Variants in SCFD1 observed in about 807,000 individuals in gnomAD.
SCFD1 encodes the protein sec1 family domain containing 1, also known as sec1 family domain-containing protein 1.
A neutral mutation model predicts 103.2 loss-of-function variants in SCFD1; 37 were observed. The observed-to-expected ratio is 0.36, with a 90% confidence interval of 0.28 to 0.47. The LOEUF (loss-of-function observed/expected upper bound fraction) is 0.47. Ranked by LOEUF, SCFD1 falls within the 20% of genes least tolerant of loss-of-function variation. SCFD1 has a pLI of 1.00. For synonymous variants in SCFD1, 264 were observed against 245.0 expected, an observed-to-expected ratio of 1.08 and a Z score of -0.73; for missense variants, 639 against 761.2, an observed-to-expected ratio of 0.84 and a Z score of 1.89.
intron 10 of SCFD1, among the ~76,000 whole-genome samples, chr14:30,658,971 C>G (rs1887175487): frequency 6.6e-6 from 1 of 152,110 alleles, no homozygotes; most frequent in Non-Finnish European, 1.5e-5. Flanking sequence ...TTTTACTGTA[C>G]TTGATAGGAA....
At chr14:30,696,215 T>G (rs914669739) in intron 15 of SCFD1, among the ~76,000 whole-genome samples, 1 of 152,232 alleles carries the variant, frequency 6.6e-6, no homozygotes, top group African/African-American at 2.4e-5. Flanking sequence ...AAGATTCTAT[T>G]TATACAAACA....
intron 23 of SCFD1, among the ~76,000 whole-genome samples, chr14:30,727,821 G>A (rs545801376): frequency 1.3e-5 from 2 of 152,014 alleles, no homozygotes; most frequent in South Asian, 4.1e-4. Context: ...TTTCCCCTTT[G>A]TCCATTCCCA....
intron 14 of SCFD1, among the ~76,000 whole-genome samples, chr14:30,677,623 T>TTTC (rs57155575): frequency 0.33 from 49,670 of 151,542 alleles, 9,258 homozygotes; most frequent in East Asian, 0.62. Flanking sequence ...AGTTACAGAA[T>TTTC]TTCTTATAAC....
intron 1 of SCFD1, among the ~76,000 whole-genome samples, chr14:30,626,935 T>C (rs1460366435): frequency 6.6e-6 from 1 of 152,212 alleles, no homozygotes; most frequent in Non-Finnish European, 1.5e-5. Flanking sequence ...TGAATGAATA[T>C]GCTGTAAGTT....
At chr14:30,664,608 G>C (rs915738645) in intron 10 of SCFD1, among the ~76,000 whole-genome samples, 2 of 152,074 alleles carry the variant, frequency 1.3e-5, no homozygotes, top group African/African-American at 4.8e-5. Flanking sequence ...AGCTGAAGGA[G>C]GATGTTTGAA....
rs527382637 is a variant in SCFD1, at chr14:30,637,174, TG to T, written c.313-950del. Among the ~76,000 whole-genome samples the T allele has an allele frequency of 6.6e-5, 10 of 152,202 alleles. No homozygotes were observed. The South Asian group carries it at 1.9e-3, about 28-fold the overall frequency. The stretch of plus-strand genomic sequence containing the variant: ...GTATTTATACATACACTTTTATATC[TG>T]TATTTATTTCTACAATTCTCCCTCT... On this transcript the variant is annotated intron_variant, in intron 4 of 24. Coordinates refer to ENST00000458591, the MANE Select transcript of SCFD1 (RefSeq NM_016106.4).
At chr14:30,709,513 T>G (rs1297916248) in intron 19 of SCFD1, among the ~76,000 whole-genome samples, 1 of 152,182 alleles carries the variant, frequency 6.6e-6, no homozygotes, top group Non-Finnish European at 1.5e-5. Flanking sequence ...ATTACAGGTA[T>G]GAGCCACTGT....
intron 10 of SCFD1, among the ~76,000 whole-genome samples, chr14:30,662,857 T>C (rs1263996996): frequency 6.6e-6 from 1 of 152,194 alleles, no homozygotes; most frequent in Non-Finnish European, 1.5e-5. Flanking sequence ...TTTTAGCATT[T>C]CCTGATGGGA....
Position 30,673,792 on chromosome 14 carries a change from A to G in SCFD1, c.1087-132A>G, listed in dbSNP as rs530509636. 58 of 662,634 alleles carry G rather than the reference A, an allele frequency of 8.8e-5. 1 individual carries two copies. The highest frequency in any genetic ancestry group is 8.3e-4 in the African/African-American group (46 of 55,220). The allele number at this position is 662,634 out of a possible 1,614,324, so 41.0% of individuals were successfully genotyped here. ...TGCACCTCAGAGGAGGAGAATTACTATTCTAGGTGACTTAAAAATCTTACG... is the reference window on the plus strand; with the variant it reads ...TGCACCTCAGAGGAGGAGAATTACTGTTCTAGGTGACTTAAAAATCTTACG... On this transcript the variant is annotated intron_variant, in intron 12 of 24. Transcript: ENST00000458591.
chr14:30,657,365 T>G (rs1183515209), intron 10 of SCFD1, among the ~76,000 whole-genome samples: 2 of 152,122 alleles, frequency 1.3e-5, no homozygotes, highest in African/African-American at 4.8e-5. Context: ...ACAAGGATAA[T>G]ACTGGTCCTT....
rs575334387 is a variant in SCFD1 at position 30,695,744 on chromosome 14, C to T, written c.1339+875C>T. ...AAAGTTAGCCAGGCAGGGTGGCATG[C>T]ATCTGTAGTCCCAGCTACTTGGGAG... On this transcript the variant is annotated intron_variant, in intron 15 of 24. Transcript: ENST00000458591. Among the ~76,000 whole-genome samples the T allele has an allele frequency of 1.6e-4, 24 of 152,104 alleles. No homozygotes were observed. The South Asian group carries it at 2.5e-3, about 16-fold the overall frequency.
chr14:30,650,754 CT>C, intron 9 of SCFD1, 104 bp downstream of exon 9: 1 of 675,076 alleles, frequency 1.5e-6, no homozygotes. Context: ...AAATTTGTTT[CT>C]TTTTAATGAG....
intron 10 of SCFD1, among the ~76,000 whole-genome samples, chr14:30,660,647 C>A (rs1286682623): frequency 6.6e-6 from 1 of 151,916 alleles, no homozygotes. Context: ...CTACTTAGGA[C>A]AAATGCTTGT....
At chr14:30,703,266 T>C (rs939130895) in intron 17 of SCFD1, among the ~76,000 whole-genome samples, 2 of 149,406 alleles carry the variant, frequency 1.3e-5, no homozygotes, top group Admixed American at 6.8e-5. Flanking sequence ...TTTAACCTGC[T>C]GGGGGTGATA....
intron 24 of SCFD1, 134 bp from the exon 25 acceptor site, chr14:30,735,452 T>TAA (rs951157343): frequency 5.9e-6 from 4 of 681,194 alleles, no homozygotes; most frequent in Non-Finnish European, 1.0e-5. Context: ...TGGTGAACAT[T>TAA]AAGATTTATT....
At position 30,661,816 on chromosome 14, in the gene SCFD1, G is replaced by A. The variant is rs1394841369; in HGVS notation, c.855+8228G>A. Among the ~76,000 whole-genome samples the A allele has an allele frequency of 2.0e-5, 3 of 152,000 alleles. No individual in the cohort carries two copies. The East Asian group carries it at 5.8e-4, about 29-fold the overall frequency. On this transcript the variant is annotated intron_variant, in intron 10 of 24. Transcript: ENST00000458591. ...TTTCTCTTGTGGAAATTAGTTTTAG[G>A]GATGAGCTTTGAAAAATAAATTTTT...
At position 30,643,421 on chromosome 14, in the gene SCFD1, T is replaced by C; in HGVS notation, c.613+16T>C. 4.7e-6 allele frequency: 7 copies of C among 1,498,432 alleles called. No homozygotes were observed. Among genetic ancestry groups the C allele is most frequent in the Non-Finnish European group, 6.5e-6 (7 of 1,074,858 alleles). 92.8% of individuals were successfully genotyped at this position (1,498,432 alleles called of 1,614,324 possible). On this transcript the variant is annotated intron_variant, in intron 7 of 24. Transcript: ENST00000458591. Reference sequence around the variant, plus strand: ...GTTACTCTGGGTAAGTTTTCCAGTCTTTCTGGTTATTCTTCAAAGTAAATT... The same window carrying C: ...GTTACTCTGGGTAAGTTTTCCAGTCCTTCTGGTTATTCTTCAAAGTAAATT...
Position 30,660,904 on chromosome 14 carries a change from A to G in SCFD1, c.855+7316A>G, listed in dbSNP as rs575003822. ...GTTTCTTTGCTTCCTGGTATGAAAA[A>G]TATCCTAAGCTAATCATATTCATTT... On this transcript the variant is annotated intron_variant, in intron 10 of 24. Transcript: ENST00000458591. Among the ~76,000 whole-genome samples the G allele has an allele frequency of 8.9e-4, 136 of 152,230 alleles. 1 individual carries two copies. Among genetic ancestry groups the G allele is most frequent in the African/African-American group, 3.1e-3 (130 of 41,532 alleles).
At chr14:30,662,578 T>A (rs190800295) in intron 10 of SCFD1, among the ~76,000 whole-genome samples, 12 of 152,318 alleles carry the variant, frequency 7.9e-5, no homozygotes, top group Admixed American at 7.2e-4. Context: ...ATTCTGGCAT[T>A]GTGTTTATGA....
Sources: allele counts gnomAD v4.1 joint callset (sites outside exome capture counted in the v4.1 genomes callset), GRCh38; gene constraint gnomAD v4.1.1; transcripts MANE v1.5; gene names NCBI Gene and HGNC (gene_info 2026-07-23, HGNC 2026-07-21).